The following SIK3 variants were observed in gnomAD, a reference collection of about 807,000 sequenced individuals.
SIK3 encodes serine/threonine-protein kinase SIK3.
Under a neutral mutation model 144.2 loss-of-function variants are expected in SIK3, and 28 were observed. The observed-to-expected ratio is 0.19, with a 90% confidence interval of 0.14 to 0.27. The LOEUF (loss-of-function observed/expected upper bound fraction) is 0.27. Ranked by LOEUF, SIK3 falls within the 10% of genes least tolerant of loss-of-function variation. SIK3 has a pLI of 1.00. For synonymous variants in SIK3, 686 were observed against 676.3 expected (o/e 1.01, Z -0.22); for missense variants, 1,319 against 1,776.0 (o/e 0.74, Z 4.62).
intron 1 of SIK3, among the ~76,000 whole-genome samples, chr11:117,080,820 C>T (rs566613106): frequency 6.6e-6 from 1 of 151,960 alleles, no homozygotes; most frequent in East Asian, 1.9e-4. Context: ...TGGTGGCGCG[C>T]ACCTGTAATC....
intron 4 of SIK3, among the ~76,000 whole-genome samples, chr11:116,925,759 C>T (rs1263993992): frequency 6.6e-6 from 1 of 152,162 alleles, no homozygotes; most frequent in Non-Finnish European, 1.5e-5. Context: ...TTCCATGCCA[C>T]ACACCTTTGT....
At chr11:116,941,828 T>C (rs551340315) in intron 3 of SIK3, among the ~76,000 whole-genome samples, 103 of 152,316 alleles carry the variant, frequency 6.8e-4, no homozygotes, top group Non-Finnish European at 9.3e-4. Context: ...AATAGGAAGT[T>C]TGGGGATATA....
At chr11:117,039,658 T>C (rs1209167656) in intron 1 of SIK3, among the ~76,000 whole-genome samples, 3 of 152,244 alleles carry the variant, frequency 2.0e-5, no homozygotes, top group Non-Finnish European at 2.9e-5. Context: ...GTTAATTTTA[T>C]GTTAAGTAAA....
intron 3 of SIK3, among the ~76,000 whole-genome samples, chr11:116,940,231 G>GTTTTT (rs759117065): frequency 7.4e-6 from 1 of 135,794 alleles, no homozygotes; most frequent in Non-Finnish European, 1.6e-5. Flanking sequence ...AGGTTTTTTT[G>GTTTTT]TTTTTTTTTT....
At chr11:116,874,412 G>T (rs1414718361) in intron 11 of SIK3, among the ~76,000 whole-genome samples, 1 of 152,216 alleles carries the variant, frequency 6.6e-6, no homozygotes, top group Non-Finnish European at 1.5e-5. Context: ...ATGGCTGCCT[G>T]AAGTAGCAAC....
At chr11:116,917,677 C>G (rs1173641928) in intron 4 of SIK3, among the ~76,000 whole-genome samples, 1 of 151,224 alleles carries the variant, frequency 6.6e-6, no homozygotes, top group African/African-American at 2.4e-5. Flanking sequence ...CCACTGCACT[C>G]CAGTCTGAGC....
At chr11:117,002,287 CT>C (rs1019517655) in intron 1 of SIK3, among the ~76,000 whole-genome samples, 2 of 151,706 alleles carry the variant, frequency 1.3e-5, no homozygotes, top group Admixed American at 6.6e-5. Context: ...CATTATCACA[CT>C]TTTTTGCAAT....
chr11:116,900,877 T>A (rs184740502), intron 4 of SIK3, among the ~76,000 whole-genome samples: 11 of 151,880 alleles, frequency 7.2e-5, no homozygotes, highest in Admixed American at 2.0e-4. Context: ...TTTTTTTTTT[T>A]TTTTGAGACA....
intron 1 of SIK3, among the ~76,000 whole-genome samples, chr11:117,021,364 T>C (rs948414004): frequency 1.3e-5 from 2 of 152,138 alleles, no homozygotes; most frequent in African/African-American, 2.4e-5. Flanking sequence ...TTAGTACAAA[T>C]TTGCTAAACT....
At chr11:116,889,478 G>C (rs1329319897) in intron 6 of SIK3, among the ~76,000 whole-genome samples, 1 of 152,086 alleles carries the variant, frequency 6.6e-6, no homozygotes, top group Non-Finnish European at 1.5e-5. Context: ...GAGGTAGGAG[G>C]GTTGTTTGAA....
chr11:116,982,114 C>T (rs1396946681), intron 1 of SIK3, among the ~76,000 whole-genome samples: 1 of 152,064 alleles, frequency 6.6e-6, no homozygotes, highest in Non-Finnish European at 1.5e-5. Context: ...TTTTTCTACT[C>T]ATGCACTGAA....
chr11:116,867,650 G>A lies in SIK3; in HGVS notation c.1952+296C>T. On this transcript the variant is annotated intron_variant, in intron 15 of 24. Transcript: ENST00000445177. The surrounding 1 kb of genome is among the most constrained non-coding windows in gnomAD (Gnocchi z 4.1). ...CTTCTGAGAGTTTCACTTTCTTGCA[G>A]GTCTCAAGTTCAATTTTATCTATGA... The A allele has an allele frequency of 3.6e-6, 1 of 275,352 alleles. No individual in the cohort carries two copies. Among genetic ancestry groups the A allele is most frequent in the Non-Finnish European group, 6.7e-6 (1 of 148,516 alleles). 17.1% of individuals were successfully genotyped at this position (275,352 alleles called of 1,614,324 possible). A position where few individuals can be genotyped will look rare whatever the true frequency, so the allele number is the denominator to read the frequency against.
At chr11:116,898,823 T>C (rs1181699751) in intron 4 of SIK3, among the ~76,000 whole-genome samples, 2 of 151,982 alleles carry the variant, frequency 1.3e-5, no homozygotes, top group Admixed American at 1.3e-4. Context: ...GATGGTGTTG[T>C]TTTTTTCTTG....
chr11:116,929,128 A>G (rs1350915767), intron 3 of SIK3, among the ~76,000 whole-genome samples: 2 of 152,186 alleles, frequency 1.3e-5, no homozygotes, highest in African/African-American at 4.8e-5. Flanking sequence ...AGAACTGGCC[A>G]TCCATCAGAG....
At chr11:116,980,698 A>G (rs1950110356) in intron 1 of SIK3, among the ~76,000 whole-genome samples, 1 of 152,192 alleles carries the variant, frequency 6.6e-6, no homozygotes, top group East Asian at 1.9e-4. Flanking sequence ...ACTAAAAATA[A>G]AAAACTTGCT....
intron 3 of SIK3, among the ~76,000 whole-genome samples, chr11:116,948,971 A>G (rs1003494309): frequency 6.6e-6 from 1 of 152,158 alleles, no homozygotes; most frequent in African/African-American, 2.4e-5. Context: ...GGAAATTCAC[A>G]AATATGTGAA....
chr11:116,888,031 T>G (rs2134677061), intron 6 of SIK3, among the ~76,000 whole-genome samples: 1 of 152,286 alleles, frequency 6.6e-6, no homozygotes, highest in African/African-American at 2.4e-5. Flanking sequence ...GAGAGCAGCT[T>G]AGAATTCTTG....
At chr11:117,029,969 A>G (rs769171983) in intron 1 of SIK3, among the ~76,000 whole-genome samples, 4 of 151,814 alleles carry the variant, frequency 2.6e-5, no homozygotes, top group Non-Finnish European at 5.9e-5. Flanking sequence ...ATACATAGAG[A>G]GAAGAGGGAG....
intron 1 of SIK3, among the ~76,000 whole-genome samples, chr11:117,014,620 G>A (rs890332085): frequency 5.9e-5 from 9 of 152,094 alleles, no homozygotes; most frequent in African/African-American, 1.2e-4. Flanking sequence ...GGGAACTACC[G>A]GCCAGGTATT....
Sources: allele counts gnomAD v4.1 joint callset (sites outside exome capture counted in the v4.1 genomes callset), GRCh38; gene constraint gnomAD v4.1.1; non-coding constraint Gnocchi (gnomAD v3.1); transcripts MANE v1.5; gene names NCBI Gene and HGNC (gene_info 2026-07-23, HGNC 2026-07-21).